The following ZNF30 variants were observed in gnomAD, a reference collection of about 807,000 sequenced individuals.
The protein encoded by ZNF30 is zinc finger protein 30 (KOX 28).
Under a neutral mutation model 13.2 loss-of-function variants are expected in ZNF30, and 15 were observed. That is an observed-to-expected ratio of 1.13 (90% confidence interval 0.76 to 1.75). The LOEUF (loss-of-function observed/expected upper bound fraction) is 1.75, where lower values mean the gene tolerates loss of function less well. Among genes scored for constraint, ZNF30 ranks in the 40% most tolerant of loss-of-function variants. The probability of loss-of-function intolerance (pLI) is 0.00; values close to 1 mark genes in which losing one functional copy is unlikely to be tolerated. For missense variants in ZNF30, 726 were observed against 757.0 expected, an observed-to-expected ratio of 0.96 and a Z score of 0.48; for synonymous variants, 223 against 256.6, an observed-to-expected ratio of 0.87 and a Z score of 1.25.
intron 4 of ZNF30, 61 bp downstream of exon 4, chr19:34,933,784 G>C (rs755183466): frequency 3.5e-6 from 4 of 1,158,902 alleles, no homozygotes; most frequent in East Asian, 2.6e-5. Flanking sequence ...AGCTGTCAGG[G>C]AGGAAGTGCA....
rs377462150 is a variant in ZNF30, at chr19:34,926,943, C to T, written c.-338C>T. 6 of 398,392 alleles carry T rather than the reference C, an allele frequency of 1.5e-5. No individual in the cohort carries two copies. The Admixed American group carries it at 1.8e-4, about 12-fold the overall frequency. 24.7% of individuals were successfully genotyped at this position (398,392 alleles called of 1,614,324 possible). A position where few individuals can be genotyped will look rare whatever the true frequency, so the allele number is the denominator to read the frequency against. ...GGGCATGCTCGGCGGTGTGACGGCT[C>T]AGGACTGCATTTCCCAGAGGCTGCA... On this transcript the variant is annotated 5_prime_UTR_variant, in exon 1 of 5. It introduces an in-frame stop codon into an upstream open reading frame of the 5' UTR. Coordinates refer to ENST00000601142, the MANE Select transcript of ZNF30 (RefSeq NM_194325.3).
Position 34,944,277 on chromosome 19 carries a change from T to C in ZNF30, c.1311T>C (p.Phe437=), listed in dbSNP as rs530738743. 154 of 1,613,202 alleles carry C rather than the reference T, an allele frequency of 9.5e-5. 1 individual carries two copies. In the South Asian group the frequency reaches 1.6e-3, roughly 17 times the overall value. ...PYECKECGKA[F]ISRHQLTVHQ... ...AATGTAAGGAATGTGGCAAAGCCTT[T>C]ATTAGTCGCCATCAGCTTACCGTAC... Residue 437 remains phenylalanine (F), a synonymous_variant, in exon 5 of 5, where the codon TTT becomes TTC. Coordinates refer to ENST00000601142, the MANE Select transcript of ZNF30 (RefSeq NM_194325.3).
Position 34,943,947 on chromosome 19 carries a change from G to C in ZNF30, c.981G>C (p.Val327=). 1 of 1,613,472 alleles carries C rather than the reference G, an allele frequency of 6.2e-7. No individual in the cohort carries two copies. Among genetic ancestry groups the C allele is most frequent in the Non-Finnish European group, 8.5e-7 (1 of 1,179,870 alleles). The change falls in exon 5 of 5, where the codon GTG becomes GTC. Residue 327 remains valine, a synonymous_variant. Transcript: ENST00000601142. ...AGGAGTGTGGGAAGTCCTTCACTGTGTATGGACAGCTTACTCGACATCAGA... is the reference window on the plus strand; with the variant it reads ...AGGAGTGTGGGAAGTCCTTCACTGTCTATGGACAGCTTACTCGACATCAGA... The part of the protein sequence containing the change: ...ECKECGKSFT[V]YGQLTRHQSI...
chr19:34,930,330 G>T (rs2012381024), intron 2 of ZNF30, among the ~76,000 whole-genome samples: 3 of 152,168 alleles, frequency 2.0e-5, no homozygotes, highest in African/African-American at 7.2e-5. Context: ...TTTCCACAGA[G>T]CTGATAAGAT....
At chr19:34,943,078 T>C (rs79258296) in intron 4 of ZNF30, 145 bp from the exon 5 acceptor site, 4 of 108,376 alleles carry the variant, frequency 3.7e-5, no homozygotes, top group East Asian at 4.1e-4. Context: ...TCTGCATTCC[T>C]TTTTTTTTTT....
upstream of ZNF30, among the ~76,000 whole-genome samples, chr19:34,926,526 T>C: frequency 6.6e-6 from 1 of 152,238 alleles, no homozygotes; most frequent in Admixed American, 6.5e-5. Flanking sequence ...GACAGAAATA[T>C]ATTTTTCTCA....
intron 1 of ZNF30, among the ~76,000 whole-genome samples, chr19:34,928,242 TATATATATATATAGATAGATAGATAG>T (rs1346127789): frequency 0.14 from 8,949 of 64,372 alleles, 408 homozygotes; most frequent in South Asian, 0.28. Flanking sequence ...TATATATATA[TATATATATATATAGATAGATAGATAG>T]ATAGATACAT....
upstream of ZNF30, among the ~76,000 whole-genome samples, chr19:34,925,668 T>C (rs530964026): frequency 6.6e-6 from 1 of 152,174 alleles, no homozygotes; most frequent in East Asian, 1.9e-4. Context: ...AAAACAAAAA[T>C]GCCTGCCCTC....
chr19:34,943,599 G>T lies in ZNF30; in HGVS notation c.633G>T (p.Lys211Asn). ...EKPLKCKQCG[K>N]TISGSYQLTV... ...CACTCAAATGTAAGCAATGTGGAAA[G>T]ACTATTAGTGGTAGCTATCAACTTA... The change falls in exon 5 of 5, where the codon AAG (lysine) becomes AAT (asparagine). Residue 211 changes from lysine to asparagine, a missense_variant. Transcript: ENST00000601142. 6.2e-7 allele frequency: 1 copy of T among 1,613,766 alleles called. No homozygotes were observed. Among genetic ancestry groups the T allele is most frequent in the South Asian group, 1.1e-5 (1 of 91,008 alleles).
chr19:34,943,596 A>G lies in ZNF30; in HGVS notation c.630A>G (p.Gly210=), dbSNP rs2013161475. ...GEKPLKCKQC[G]KTISGSYQLT... ...AGCCACTCAAATGTAAGCAATGTGGAAAGACTATTAGTGGTAGCTATCAAC... is the reference window on the plus strand; with the variant it reads ...AGCCACTCAAATGTAAGCAATGTGGGAAGACTATTAGTGGTAGCTATCAAC... Residue 210 remains glycine, a synonymous_variant, in exon 5 of 5, where the codon GGA becomes GGG. Transcript: ENST00000601142. 3 of 1,613,590 alleles carry G rather than the reference A, an allele frequency of 1.9e-6. No homozygotes were observed. The highest frequency in any genetic ancestry group is 2.7e-5 in the African/African-American group (2 of 74,984).
In ZNF30 at chr19:34,933,853, G is replaced by A. The variant is rs181297899; in HGVS notation, c.256+130G>A. The A allele has an allele frequency of 1.2e-5, 7 of 597,774 alleles. No individual in the cohort carries two copies. The East Asian group carries it at 2.1e-4, about 18-fold the overall frequency. The allele number at this position is 597,774 out of a possible 1,614,324, so 37.0% of individuals were successfully genotyped here. ...CCTAGGGCCTGGGTGGAAAAAGGCT[G>A]AGACTTGGGTAAGAAATAAATATCT... On this transcript the variant is annotated intron_variant, in intron 4 of 4. Coordinates refer to ENST00000601142, the MANE Select transcript of ZNF30 (RefSeq NM_194325.3).
rs745667335 is a variant in ZNF30 at position 34,931,858 on chromosome 19, C to T, written c.25C>T (p.Gln9Ter). 1.2e-6 allele frequency: 2 copies of T among 1,610,764 alleles called. No homozygotes were observed. The highest frequency in any genetic ancestry group is 1.7e-6 in the Non-Finnish European group (2 of 1,179,020). Reference sequence around the variant, plus strand: ...ATTTTACCAGAAATATGTGGGTTTGCAGTATCACGGATCAGTGACATTTGA... The same window carrying T: ...ATTTTACCAGAAATATGTGGGTTTGTAGTATCACGGATCAGTGACATTTGA... MAHKYVGLQYHGSVTFEDV... is the reference protein window; with the variant it reads MAHKYVGL Residue 9 changes from glutamine to a stop codon, truncating the protein, a stop_gained, in exon 3 of 5, where the codon CAG becomes TAG. Transcript: ENST00000601142. LOFTEE classifies it high-confidence loss of function.
At chr19:34,925,642 G>A (rs1240495272), upstream of ZNF30, among the ~76,000 whole-genome samples, 1 of 152,080 alleles carries the variant, frequency 6.6e-6, no homozygotes, top group Non-Finnish European at 1.5e-5. Context: ...CTTGGGAAAC[G>A]CAACATTTGG....
intron 3 of ZNF30, 110 bp from the exon 4 acceptor site, chr19:34,933,518 T>TA (rs762689644): frequency 1.4e-6 from 1 of 703,686 alleles, no homozygotes; most frequent in Non-Finnish European, 2.4e-6. Flanking sequence ...GTGTCTGAGA[T>TA]ATAAAGGTCA....
chr19:34,933,821 T>C, intron 4 of ZNF30, 98 bp downstream of exon 4: 1 of 842,478 alleles, frequency 1.2e-6, no homozygotes, highest in Non-Finnish European at 1.9e-6. Flanking sequence ...AGGTTTCCCT[T>C]CAAAGCCCTA....
chr19:34,927,998 T>G (rs1349137879), intron 1 of ZNF30, among the ~76,000 whole-genome samples: 1 of 151,470 alleles, frequency 6.6e-6, no homozygotes, highest in African/African-American at 2.4e-5. Flanking sequence ...AGCTCAGGAG[T>G]TCGAGACCAC....
At chr19:34,931,569 A>G (rs555423575) in intron 2 of ZNF30, among the ~76,000 whole-genome samples, 90 of 152,312 alleles carry the variant, frequency 5.9e-4, no homozygotes, top group Non-Finnish European at 8.5e-4. Flanking sequence ...CTAGCAGGCC[A>G]TATCTTTGTA....
At chr19:34,941,757 A>G (rs1027208812) in intron 4 of ZNF30, among the ~76,000 whole-genome samples, 1 of 152,238 alleles carries the variant, frequency 6.6e-6, no homozygotes, top group African/African-American at 2.4e-5. Flanking sequence ...GTTTTTGTGT[A>G]CAAACCCAGT....
chr19:34,939,467 C>T (rs992801146), intron 4 of ZNF30, among the ~76,000 whole-genome samples: 1 of 151,770 alleles, frequency 6.6e-6, no homozygotes, highest in African/African-American at 2.4e-5. Context: ...CGTGAGCCAC[C>T]GTGCCCGGCC....
Sources: gnomAD v4.1 joint callset for allele counts (sites outside exome capture counted in the v4.1 genomes callset) on GRCh38, gnomAD v4.1.1 for gene constraint, MANE v1.5 for transcripts, NCBI Gene and HGNC (gene_info 2026-07-23, HGNC 2026-07-21) for gene names.